Variants in DEPDC4 observed in about 807,000 individuals in gnomAD.
DEPDC4 encodes the protein DEP domain-containing protein 4.
In DEPDC4, 52 loss-of-function variants were observed where a neutral mutation model predicts 52.0. That is an observed-to-expected ratio of 1.00 (90% confidence interval 0.80 to 1.26). DEPDC4 has a LOEUF of 1.26. Ranked by LOEUF, DEPDC4 falls within the 50% of genes most tolerant of loss-of-function variation. The probability of loss-of-function intolerance (pLI) is 0.00; values close to 1 mark genes in which losing one functional copy is unlikely to be tolerated. For synonymous variants in DEPDC4, 201 were observed against 196.8 expected (o/e 1.02, Z -0.18); for missense variants, 530 against 546.9 (o/e 0.97, Z 0.31).
At chr12:100,273,372 C>G in the DEPDC4 span, among the ~76,000 whole-genome samples, 3 of 152,116 alleles carry the variant, frequency 2.0e-5, no homozygotes, top group Non-Finnish European at 4.4e-5. Context: ...CATGTATATT[C>G]TGTAGCGTTT....
chr12:100,265,551 C>A (rs544700695), intron 1 of DEPDC4, among the ~76,000 whole-genome samples: 1 of 151,884 alleles, frequency 6.6e-6, no homozygotes, highest in African/African-American at 2.4e-5. Context: ...GCCGAGATCA[C>A]GCCATTGCAC....
chr12:100,266,407 T>A (rs914384629), intron 1 of DEPDC4, among the ~76,000 whole-genome samples: 2 of 151,916 alleles, frequency 1.3e-5, no homozygotes, highest in African/African-American at 4.8e-5. Context: ...GGCAGGAGGG[T>A]ACTCGACGGG....
chr12:100,277,388 A>G, the DEPDC4 span, among the ~76,000 whole-genome samples: 1 of 152,022 alleles, frequency 6.6e-6, no homozygotes, highest in East Asian at 1.9e-4. Context: ...GAATTTGTCT[A>G]TTTCTTCTGT....
Position 100,247,201 on chromosome 12 carries a change from G to GTTTTT in DEPDC4, c.1453+1694_1453+1698dup, listed in dbSNP as rs869121983. 2.2e-3 allele frequency among the ~76,000 whole-genome samples: 155 copies of GTTTTT among 71,702 alleles called. 7 individuals are homozygous for GTTTTT. The highest frequency in any genetic ancestry group is 3.1e-3 in the South Asian group (6 of 1,944). The allele number at this position is 71,702 out of a possible 152,430, so 47.0% of individuals were successfully genotyped here. ...CTTATATTTATAATCTCCCCTTAGT[G>GTTTTT]TTTTTTTTTTTTTTTTTTTTTTTTT... On this transcript the variant is annotated intron_variant, in intron 8 of 9. Coordinates refer to ENST00000550587, the MANE Select transcript of DEPDC4 (RefSeq NM_001364818.2).
At chr12:100,261,248 A>G (rs1441741290) in intron 3 of DEPDC4, among the ~76,000 whole-genome samples, 1 of 151,530 alleles carries the variant, frequency 6.6e-6, no homozygotes, top group East Asian at 1.9e-4. Flanking sequence ...TTCTTTGGGC[A>G]CCCTGTATTT....
At chr12:100,245,113 G>C (rs777669725) in intron 8 of DEPDC4, among the ~76,000 whole-genome samples, 1 of 150,548 alleles carries the variant, frequency 6.6e-6, no homozygotes, top group Admixed American at 6.6e-5. Flanking sequence ...CTTGTGATCC[G>C]CCTGCCTTGG....
chr12:100,236,127 A>G (rs1157862935), downstream of DEPDC4, among the ~76,000 whole-genome samples: 3 of 152,124 alleles, frequency 2.0e-5, no homozygotes, highest in Admixed American at 6.5e-5. Flanking sequence ...TATTTTTGCA[A>G]TTGTGAATTG....
At chr12:100,231,863 T>A (rs192158678) in intron 9 of DEPDC4, among the ~76,000 whole-genome samples, 96 of 152,096 alleles carry the variant, frequency 6.3e-4, no homozygotes, top group African/African-American at 2.2e-3. Context: ...GAGAGTCGCT[T>A]GAACCTGAGA....
Position 100,246,830 on chromosome 12 carries a change from T to G in DEPDC4, c.1453+2070A>C, listed in dbSNP as rs190495716. 4.1e-3 allele frequency among the ~76,000 whole-genome samples: 628 copies of G among 151,920 alleles called. 5 individuals carry two copies. Among genetic ancestry groups the G allele is most frequent in the South Asian group, 0.026 (127 of 4,810 alleles). On this transcript the variant is annotated intron_variant, in intron 8 of 9. Transcript: ENST00000550587. ...GTGCTTGCCTGTATTCCCAGCTACTTGGGAGGCTGAGGCAGGAGAATCACT... is the reference window on the plus strand; with the variant it reads ...GTGCTTGCCTGTATTCCCAGCTACTGGGGAGGCTGAGGCAGGAGAATCACT...
chr12:100,253,119 T>C (rs1448846314), intron 5 of DEPDC4, among the ~76,000 whole-genome samples: 3 of 152,198 alleles, frequency 2.0e-5, no homozygotes, highest in Admixed American at 6.5e-5. Flanking sequence ...GGTTTCACCA[T>C]GTTGGCCAGG....
downstream of DEPDC4, among the ~76,000 whole-genome samples, chr12:100,238,508 C>CTTT (rs374449171): frequency 5.4e-4 from 58 of 107,298 alleles, no homozygotes; most frequent in African/African-American, 1.9e-3. Flanking sequence ...TAGCTTAGTG[C>CTTT]TTTTTTTTTT....
At chr12:100,237,422 G>A (rs552929370), downstream of DEPDC4, among the ~76,000 whole-genome samples, 1 of 152,224 alleles carries the variant, frequency 6.6e-6, no homozygotes, top group South Asian at 2.1e-4. Flanking sequence ...TGGCCAGGCT[G>A]GACTCGAACT....
chr12:100,272,263 A>G, the DEPDC4 span, among the ~76,000 whole-genome samples: 9 of 151,518 alleles, frequency 5.9e-5, no homozygotes, highest in Non-Finnish European at 1.2e-4. Flanking sequence ...ATTGGAAAAT[A>G]TAGGCTTTTT....
At chr12:100,266,853 G>A in intron 1 of DEPDC4, 67 bp downstream of exon 1, 1 of 1,549,286 alleles carries the variant, frequency 6.5e-7, no homozygotes. Flanking sequence ...CAGAGTCCCA[G>A]CCGCCTGCTC....
In DEPDC4 at chr12:100,244,134, T is replaced by TATATATATACAC. The variant is rs1403751762; in HGVS notation, c.1454-1566_1454-1565insGTGTATATATAT. 2.8e-3 allele frequency among the ~76,000 whole-genome samples: 346 copies of TATATATATACAC among 121,764 alleles called. 4 individuals carry two copies. Among genetic ancestry groups the TATATATATACAC allele is most frequent in the Middle Eastern group, 5.1e-3 (1 of 196 alleles). The allele number at this position is 121,764 out of a possible 152,430, so 79.9% of individuals were successfully genotyped here. On this transcript the variant is annotated intron_variant, in intron 8 of 9. Transcript: ENST00000550587. ...ATATATATATATATATATATATATA[T>TATATATATACAC]ACACAAAATACAATAAAATACAATT...
downstream of DEPDC4, among the ~76,000 whole-genome samples, chr12:100,239,289 T>A (rs929231730): frequency 2.6e-5 from 4 of 152,130 alleles, no homozygotes; most frequent in Non-Finnish European, 5.9e-5. Context: ...TTGGACAGGC[T>A]GGTCTCAAAC....
At chr12:100,247,201 G>GTTTTTTTTTTTTTTT (rs869121983) in intron 8 of DEPDC4, among the ~76,000 whole-genome samples, 1 of 71,648 alleles carries the variant, frequency 1.4e-5, no homozygotes, top group Non-Finnish European at 2.5e-5. Flanking sequence ...TCCCCTTAGT[G>GTTTTTTTTTTTTTTT]TTTTTTTTTT....
chr12:100,253,762 A>T, intron 4 of DEPDC4, 47 bp from the exon 5 acceptor site: 1 of 1,022,624 alleles, frequency 9.8e-7, no homozygotes, highest in Non-Finnish European at 1.3e-6. Flanking sequence ...TAACATTTCC[A>T]TTTAACTAAA....
chr12:100,255,897 A>G (rs770852138), intron 4 of DEPDC4, 152 bp downstream of exon 4: 9 of 560,460 alleles, frequency 1.6e-5, no homozygotes, highest in Non-Finnish European at 2.4e-5. Context: ...CAATGGCTTT[A>G]TTAGATCAAA....
Sources: allele counts gnomAD v4.1 joint callset (sites outside exome capture counted in the v4.1 genomes callset), GRCh38; gene constraint gnomAD v4.1.1; transcripts MANE v1.5; gene names NCBI Gene and HGNC (gene_info 2026-07-23, HGNC 2026-07-21).